Variants in QKI observed in about 807,000 individuals in gnomAD.
The protein encoded by QKI is KH domain-containing RNA-binding protein QKI.
Under a neutral mutation model 39.0 loss-of-function variants are expected in QKI, and 10 were observed. That is an observed-to-expected ratio of 0.26 (90% CI 0.16 to 0.43). The LOEUF (loss-of-function observed/expected upper bound fraction) is 0.43, where lower values mean the gene tolerates loss of function less well. QKI is among the 20% of genes least tolerant of loss of function. The pLI, the probability that QKI is intolerant of heterozygous loss-of-function variation, is 1.00. For missense variants in QKI, 218 were observed against 428.0 expected, an observed-to-expected ratio of 0.51 and a Z score of 4.33; for synonymous variants, 204 against 155.4, an observed-to-expected ratio of 1.31 and a Z score of -2.33.
intron 6 of QKI, chr6:163,565,247 C>T: frequency 1.0e-6 from 1 of 987,494 alleles, no homozygotes; most frequent in Non-Finnish European, 1.2e-6. Context: ...AATACTCTGT[C>T]CTGTGGTCCC....
At chr6:163,525,288 C>G (rs1399774892) in intron 3 of QKI, among the ~76,000 whole-genome samples, 1 of 132,810 alleles carries the variant, frequency 7.5e-6, no homozygotes, top group Non-Finnish European at 1.6e-5. Context: ...TTTTCCTGTT[C>G]TCTCTCTCTC....
At chr6:163,553,400 C>T (rs1448128426) in intron 4 of QKI, among the ~76,000 whole-genome samples, 1 of 152,168 alleles carries the variant, frequency 6.6e-6, no homozygotes, top group Non-Finnish European at 1.5e-5. Flanking sequence ...CCATGCCCAG[C>T]TCAGGTTCCT....
chr6:163,577,368 C>A lies in QKI; in HGVS notation c.*6658C>A, dbSNP rs529908025. On this transcript the variant is annotated 3_prime_UTR_variant, in exon 8 of 8. Transcript: ENST00000361752. ...GGTGTTTTGCTTTTTAAACTACTTG[C>A]CATAATTTAAAAGTGGCAACACTAG... The A allele has an allele frequency of 9.2e-4, 139 of 151,634 alleles. No individual in the cohort carries two copies. The highest frequency in any genetic ancestry group is 1.3e-4 in the Non-Finnish European group (9 of 67,936). 9.4% of individuals were successfully genotyped at this position (151,634 alleles called of 1,614,324 possible).
At chr6:163,487,279 CCT>C (rs898625357) in intron 3 of QKI, among the ~76,000 whole-genome samples, 6 of 152,038 alleles carry the variant, frequency 3.9e-5, no homozygotes, top group African/African-American at 1.4e-4. Context: ...GTCAGCATTG[CCT>C]CTCTCCTTTC....
At chr6:163,542,387 A>G (rs1312622093) in intron 4 of QKI, among the ~76,000 whole-genome samples, 3 of 152,014 alleles carry the variant, frequency 2.0e-5, no homozygotes, top group Non-Finnish European at 4.4e-5. Context: ...GTGAAATTGG[A>G]GGAATATTAT....
chr6:163,524,056 A>C (rs577893126), intron 3 of QKI, among the ~76,000 whole-genome samples: 112 of 152,256 alleles, frequency 7.4e-4, no homozygotes, highest in Non-Finnish European at 1.4e-3. Flanking sequence ...TCCCTTTACT[A>C]TTCGTTGTCC....
chr6:163,574,671 G>T lies in QKI; in HGVS notation c.*3961G>T, dbSNP rs1455371431. 6.6e-6 allele frequency: 1 copy of T among 152,134 alleles called. No individual in the cohort carries two copies. The highest frequency in any genetic ancestry group is 1.5e-5 in the Non-Finnish European group (1 of 68,028). The allele number at this position is 152,134 out of a possible 1,614,324, so 9.4% of individuals were successfully genotyped here. On this transcript the variant is annotated 3_prime_UTR_variant, in exon 8 of 8. Transcript: ENST00000361752. ...TTCATGCTTTTCTTGGCTGGAACTTGGGTAAATTAACCTGTAATTATGAAT... is the reference window on the plus strand; with the variant it reads ...TTCATGCTTTTCTTGGCTGGAACTTTGGTAAATTAACCTGTAATTATGAAT...
At chr6:163,551,185 A>G (rs9458857) in intron 4 of QKI, among the ~76,000 whole-genome samples, 12,185 of 152,190 alleles carry the variant, frequency 0.08, 548 homozygotes, top group Middle Eastern at 0.12. Context: ...TCTGTGATCT[A>G]TGGTCATCAA....
intron 2 of QKI, 108 bp downstream of exon 2, chr6:163,455,529 G>C: frequency 8.8e-7 from 1 of 1,131,034 alleles, no homozygotes; most frequent in Non-Finnish European, 1.2e-6. Flanking sequence ...TTAAAAAAAT[G>C]CAGTCATCAA....
At chr6:163,514,370 T>G (rs1341310281) in intron 3 of QKI, among the ~76,000 whole-genome samples, 1 of 152,124 alleles carries the variant, frequency 6.6e-6, no homozygotes, top group Non-Finnish European at 1.5e-5. Context: ...CTGATAATAA[T>G]TTATTTATCT....
At chr6:163,531,232 A>G (rs1373176620) in intron 3 of QKI, among the ~76,000 whole-genome samples, 4 of 152,198 alleles carry the variant, frequency 2.6e-5, no homozygotes, top group South Asian at 2.1e-4. Flanking sequence ...CCTGTCCCCA[A>G]GATGTGGGCC....
chr6:163,493,407 G>A (rs1011472342), intron 3 of QKI, among the ~76,000 whole-genome samples: 1 of 152,146 alleles, frequency 6.6e-6, no homozygotes, highest in Non-Finnish European at 1.5e-5. Flanking sequence ...GGAATTACAG[G>A]CATGAGCCAC....
At chr6:163,497,633 G>GT (rs1188901644) in intron 3 of QKI, among the ~76,000 whole-genome samples, 1 of 79,514 alleles carries the variant, frequency 1.3e-5, no homozygotes, top group Non-Finnish European at 2.9e-5. Context: ...AGTAGATATT[G>GT]TTTGTTAAAA....
rs528612448 is a variant in QKI at position 163,566,583 on chromosome 6, C to T, written c.935-138C>T. On this transcript the variant is annotated intron_variant, in intron 6 of 7. Coordinates refer to ENST00000361752, the MANE Select transcript of QKI (RefSeq NM_006775.3). ...TGACATATTGTGGTTAATTTTAAAA[C>T]TACTGTGCCTTAACGTGTTTCTTAA... is the stretch of plus-strand genomic sequence containing the variant. 3.4e-5 allele frequency: 52 copies of T among 1,518,508 alleles called. No homozygotes were observed. The African/African-American group carries it at 6.9e-4, about 20-fold the overall frequency. 94.1% of individuals were successfully genotyped at this position (1,518,508 alleles called of 1,614,324 possible). A position where few individuals can be genotyped will look rare whatever the true frequency, so the allele number is the denominator to read the frequency against.
At chr6:163,483,377 A>G (rs1374474675) in intron 3 of QKI, among the ~76,000 whole-genome samples, 1 of 152,170 alleles carries the variant, frequency 6.6e-6, no homozygotes, top group African/African-American at 2.4e-5. Flanking sequence ...AGTTTGCCTC[A>G]TGGATTTGCT....
intron 3 of QKI, among the ~76,000 whole-genome samples, chr6:163,520,367 TA>T (rs1203903414): frequency 3.3e-5 from 5 of 152,136 alleles, no homozygotes; most frequent in African/African-American, 7.2e-5. Context: ...TGGCATTTAT[TA>T]AAAAAATCAT....
intron 3 of QKI, among the ~76,000 whole-genome samples, chr6:163,525,267 C>CT (rs59849901): frequency 3.0e-4 from 42 of 139,208 alleles, no homozygotes; most frequent in South Asian, 1.4e-3. Context: ...ATCTTGTTTC[C>CT]TTTTTTTTTT....
rs570396878 is a variant in QKI, at chr6:163,506,914, A to G, written c.402+28018A>G. On this transcript the variant is annotated intron_variant, in intron 3 of 7. Transcript: ENST00000361752. ...TCCCATCCCTCACTCTCACCCACCAATGGCAACTTTGATTAACATGTTTGT... is the reference window on the plus strand; with the variant it reads ...TCCCATCCCTCACTCTCACCCACCAGTGGCAACTTTGATTAACATGTTTGT... Among the ~76,000 whole-genome samples, 16 of 152,240 alleles carry G rather than the reference A, an allele frequency of 1.1e-4. No homozygotes were observed. In the South Asian group the frequency reaches 2.3e-3, roughly 22 times the overall value.
chr6:163,456,442 C>T (rs6914093), intron 2 of QKI, among the ~76,000 whole-genome samples: 11,980 of 152,084 alleles, frequency 0.079, 531 homozygotes, highest in Middle Eastern at 0.12. Flanking sequence ...AAGATGATGG[C>T]TTTTTGCTAA....
Sources: gnomAD v4.1 joint callset for allele counts (sites outside exome capture counted in the v4.1 genomes callset) on GRCh38, gnomAD v4.1.1 for gene constraint, MANE v1.5 for transcripts, NCBI Gene and HGNC (gene_info 2026-07-23, HGNC 2026-07-21) for gene names.